The following GLIS3 variants were observed in gnomAD, a reference collection of about 807,000 sequenced individuals.
GLIS3 encodes the protein zinc finger protein GLIS3.
A neutral mutation model predicts 78.6 loss-of-function variants in GLIS3; 53 were observed. The ratio of observed to expected loss-of-function variants is 0.67; its 90% CI spans 0.54 to 0.85. The LOEUF is 0.85. Among genes scored for constraint, GLIS3 ranks in the 40% least tolerant of loss-of-function variants. GLIS3 has a pLI of 0.00. For missense variants in GLIS3, 1,703 were observed against 1,231.1 expected (o/e 1.38, Z -5.74); for synonymous variants, 684 against 509.9 (o/e 1.34, Z -4.60).
chr9:4,468,314 A>C, the GLIS3 span, among the ~76,000 whole-genome samples: 1 of 152,170 alleles, frequency 6.6e-6, no homozygotes, highest in African/African-American at 2.4e-5. Context: ...GAGAAGAGCA[A>C]CTCCAAGACA....
intron 2 of GLIS3, among the ~76,000 whole-genome samples, chr9:4,172,172 A>G (rs1165629642): frequency 6.6e-6 from 1 of 152,196 alleles, no homozygotes; most frequent in Non-Finnish European, 1.5e-5. Context: ...ATAAATCCAC[A>G]TGAATATGTA....
At chr9:4,453,363 A>C in the GLIS3 span, among the ~76,000 whole-genome samples, 1 of 150,032 alleles carries the variant, frequency 6.7e-6, no homozygotes, top group African/African-American at 2.4e-5. Context: ...AAAAAAAAAA[A>C]AGAAAAAACT....
intron 8 of GLIS3, among the ~76,000 whole-genome samples, chr9:3,877,677 C>A (rs1341746638): frequency 6.6e-6 from 1 of 152,152 alleles, no homozygotes; most frequent in Non-Finnish European, 1.5e-5. Context: ...CTCCTCTTTG[C>A]TCCACATATA....
At chr9:4,473,725 C>A in the GLIS3 span, among the ~76,000 whole-genome samples, 1 of 151,798 alleles carries the variant, frequency 6.6e-6, no homozygotes, top group African/African-American at 2.4e-5. Flanking sequence ...TACAACAAAC[C>A]CCTGTGACAT....
intron 4 of GLIS3, among the ~76,000 whole-genome samples, chr9:4,058,288 T>C (rs1049228874): frequency 1.6e-4 from 25 of 152,084 alleles, no homozygotes; most frequent in Non-Finnish European, 8.8e-5. Flanking sequence ...TTAACAACTA[T>C]GAACCACACA....
chr9:4,020,472 C>G (rs1426879337), intron 4 of GLIS3, among the ~76,000 whole-genome samples: 1 of 152,056 alleles, frequency 6.6e-6, no homozygotes, highest in African/African-American at 2.4e-5. Flanking sequence ...AACACCTGGT[C>G]AATTTGAAAA....
At chr9:4,223,595 A>G (rs1821515435) in intron 2 of GLIS3, among the ~76,000 whole-genome samples, 1 of 152,146 alleles carries the variant, frequency 6.6e-6, no homozygotes, top group Non-Finnish European at 1.5e-5. Flanking sequence ...ATCGGCCTCT[A>G]AAACACCACG....
chr9:4,362,716 C>A, the GLIS3 span, among the ~76,000 whole-genome samples: 28 of 152,256 alleles, frequency 1.8e-4, no homozygotes, highest in East Asian at 5.4e-3. Context: ...GAGGAGGATG[C>A]ATGGAAAAGC....
intron 4 of GLIS3, among the ~76,000 whole-genome samples, chr9:4,083,126 C>G (rs1828703182): frequency 6.6e-6 from 1 of 152,132 alleles, no homozygotes; most frequent in Non-Finnish European, 1.5e-5. Flanking sequence ...TTAATTGAAG[C>G]TGAATCATCT....
At chr9:4,400,663 C>G in the GLIS3 span, among the ~76,000 whole-genome samples, 1,475 of 152,332 alleles carry the variant, frequency 9.7e-3, 15 homozygotes, top group Middle Eastern at 0.058. Flanking sequence ...ATCACATTGT[C>G]TAAAATGGAA....
At chr9:4,166,085 G>A (rs1835866045) in intron 2 of GLIS3, among the ~76,000 whole-genome samples, 1 of 152,288 alleles carries the variant, frequency 6.6e-6, no homozygotes, top group South Asian at 2.1e-4. Context: ...GGCAAAGCAT[G>A]GAACTTCTCT....
chr9:4,319,901 T>C (rs754361572), intron 2 of GLIS3, among the ~76,000 whole-genome samples: 3 of 152,170 alleles, frequency 2.0e-5, no homozygotes, highest in Non-Finnish European at 2.9e-5. Context: ...AGAACCAGAA[T>C]TCTAATCTGT....
chr9:4,071,020 A>C (rs1040525764), intron 4 of GLIS3: 1 of 152,152 alleles, frequency 6.6e-6, no homozygotes, highest in Non-Finnish European at 1.5e-5. Flanking sequence ...TCTTCCTTTA[A>C]AACTTGTTTA....
At chr9:4,086,581 T>C (rs1233122926) in intron 4 of GLIS3, among the ~76,000 whole-genome samples, 3 of 152,218 alleles carry the variant, frequency 2.0e-5, no homozygotes, top group African/African-American at 4.8e-5. Context: ...CACAGGAAAT[T>C]GTGAAAAGCA....
chr9:3,874,763 G>C (rs959957558), intron 8 of GLIS3, among the ~76,000 whole-genome samples: 1 of 152,204 alleles, frequency 6.6e-6, no homozygotes, highest in Non-Finnish European at 1.5e-5. Flanking sequence ...GAAACGTTTT[G>C]TGTTGATTAT....
chr9:3,843,185 C>T (rs780575749), intron 9 of GLIS3, among the ~76,000 whole-genome samples: 10 of 152,222 alleles, frequency 6.6e-5, no homozygotes, highest in Non-Finnish European at 1.3e-4. Flanking sequence ...TCCCACATTA[C>T]ATCCGCTTTA....
Position 4,166,460 on chromosome 9 carries a change from A to G in GLIS3, c.389-40519T>C, listed in dbSNP as rs183214788. Among the ~76,000 whole-genome samples the G allele has an allele frequency of 5.3e-5, 8 of 152,342 alleles. No individual in the cohort carries two copies. In the East Asian group the frequency reaches 1.5e-3, roughly 29 times the overall value. On this transcript the variant is annotated intron_variant, in intron 2 of 10. Transcript: ENST00000381971. ...GAGGCACATGATATTTGATCACTTAAGACGTGATGGGAAGAATAAATCAAA... is the reference window on the plus strand; with the variant it reads ...GAGGCACATGATATTTGATCACTTAGGACGTGATGGGAAGAATAAATCAAA...
At chr9:4,378,963 G>A in the GLIS3 span, among the ~76,000 whole-genome samples, 1 of 152,192 alleles carries the variant, frequency 6.6e-6, no homozygotes, top group African/African-American at 2.4e-5. Context: ...AGTGTTTTGG[G>A]TTAAATGAAG....
At chr9:4,390,278 T>C in the GLIS3 span, among the ~76,000 whole-genome samples, 1 of 152,258 alleles carries the variant, frequency 6.6e-6, no homozygotes. Flanking sequence ...TAGGGTGCAA[T>C]ACTTTGCACT....
Sources: gnomAD v4.1 joint callset for allele counts (sites outside exome capture counted in the v4.1 genomes callset) on GRCh38, gnomAD v4.1.1 for gene constraint, MANE v1.5 for transcripts, NCBI Gene and HGNC (gene_info 2026-07-23, HGNC 2026-07-21) for gene names.